Variants in RDH12 observed in about 807,000 individuals in gnomAD.
The protein encoded by RDH12 is retinol dehydrogenase 12.
In RDH12, 21 loss-of-function variants were observed where a neutral mutation model predicts 34.0. That is an observed-to-expected ratio of 0.62 (90% confidence interval 0.44 to 0.89). RDH12 has a LOEUF of 0.89. RDH12 is among the 40% of genes least tolerant of loss of function. RDH12 has a pLI of 0.00. For missense variants in RDH12, 394 were observed against 398.6 expected (o/e 0.99, Z 0.10); for synonymous variants, 198 against 169.9 (o/e 1.17, Z -1.29).
chr14:67,727,642 C>G, intron 7 of RDH12: 1 of 213,768 alleles, frequency 4.7e-6, no homozygotes, highest in South Asian at 6.7e-5. Flanking sequence ...AATATCACGC[C>G]TGGCTAATTT....
At chr14:67,710,691 A>T (rs1265164842) in intron 1 of RDH12, among the ~76,000 whole-genome samples, 1 of 151,902 alleles carries the variant, frequency 6.6e-6, no homozygotes, top group Non-Finnish European at 1.5e-5. Flanking sequence ...GCTTTGAATT[A>T]GACAAAAATT....
Position 67,734,029 on chromosome 14 carries a change from T to C in RDH12, c.*181T>C. 1.8e-6 allele frequency: 1 copy of C among 551,738 alleles called. No individual in the cohort carries two copies. The highest frequency in any genetic ancestry group is 3.4e-6 in the Non-Finnish European group (1 of 294,168). 34.2% of individuals were successfully genotyped at this position (551,738 alleles called of 1,614,324 possible). ...ACCTGACACTCTTGTGAGACTGGCTTATGGCATGAGTTGTGGACACCTATA... is the reference window on the plus strand; with the variant it reads ...ACCTGACACTCTTGTGAGACTGGCTCATGGCATGAGTTGTGGACACCTATA... On this transcript the variant is annotated 3_prime_UTR_variant, in exon 9 of 9. Coordinates refer to ENST00000551171, the MANE Select transcript of RDH12 (RefSeq NM_152443.3).
At chr14:67,725,409 G>A (rs2038173888) in intron 5 of RDH12, among the ~76,000 whole-genome samples, 155 bp downstream of exon 5, 1 of 152,216 alleles carries the variant, frequency 6.6e-6, no homozygotes, top group South Asian at 2.1e-4. Context: ...TTGGCAAGAG[G>A]ATGGTGGGTA....
intron 1 of RDH12, among the ~76,000 whole-genome samples, chr14:67,706,438 C>G (rs2037951202): frequency 6.6e-6 from 1 of 152,096 alleles, no homozygotes; most frequent in African/African-American, 2.4e-5. Context: ...GGTCAGAACA[C>G]AGTTTGGTTT....
chr14:67,729,730 T>C, intron 8 of RDH12: 1 of 519,614 alleles, frequency 1.9e-6, no homozygotes, highest in Non-Finnish European at 3.8e-6. Flanking sequence ...TTCATGAATT[T>C]TTAAATACCA....
intron 1 of RDH12, among the ~76,000 whole-genome samples, chr14:67,710,730 TTTTTTTAGAAAGAACG>T (rs2038000956): frequency 6.6e-6 from 1 of 152,032 alleles, no homozygotes; most frequent in African/African-American, 2.4e-5. Flanking sequence ...GACACACTTT[TTTTTTTAGAAAGAACG>T]TTTTCCTACA....
At chr14:67,703,831 G>A (rs748947442) in intron 1 of RDH12, among the ~76,000 whole-genome samples, 16 of 151,898 alleles carry the variant, frequency 1.1e-4, no homozygotes, top group African/African-American at 2.7e-4. Context: ...GCATACCACC[G>A]TGCCTGGCTA....
At position 67,725,171 on chromosome 14, in the gene RDH12, C is replaced by G. The variant is rs1368744761; in HGVS notation, c.260C>G (p.Thr87Arg). 3.7e-6 allele frequency: 6 copies of G among 1,614,038 alleles called. No individual in the cohort carries two copies. The highest frequency in any genetic ancestry group is 5.1e-6 in the Non-Finnish European group (6 of 1,180,026). Residue 87 changes from threonine (T) to arginine (R), a missense_variant, in exon 5 of 9, where the codon ACA (threonine) becomes AGA (arginine). By Grantham distance (71) the Thr-to-Arg change is moderately conservative. Transcript: ENST00000551171. The part of the protein sequence containing the change: ...ESAASEIRVD[T>R]KNSQVLVRKL... ...GCTGCCAGTGAAATCCGAGTGGATA[C>G]AAAGAACTCCCAGGTGCTGGTGCGG...
chr14:67,730,870 C>T (rs1312260344), intron 8 of RDH12, among the ~76,000 whole-genome samples: 1 of 152,126 alleles, frequency 6.6e-6, no homozygotes, highest in Non-Finnish European at 1.5e-5. Flanking sequence ...TCCTAAAGTG[C>T]TGGGATTACA....
intron 7 of RDH12, chr14:67,728,022 G>C (rs1162836337): frequency 1.3e-5 from 2 of 152,266 alleles, no homozygotes; most frequent in Non-Finnish European, 2.9e-5. Context: ...TGTGGATGTG[G>C]ATGTGCCCCT....
At chr14:67,728,394 C>G (rs774934304) in intron 7 of RDH12, among the ~76,000 whole-genome samples, 2 of 152,158 alleles carry the variant, frequency 1.3e-5, no homozygotes, top group Non-Finnish European at 2.9e-5. Flanking sequence ...CAGGCACTGA[C>G]AGATTAAGAA....
chr14:67,716,670 G>A (rs1374439892), intron 1 of RDH12, among the ~76,000 whole-genome samples: 1 of 152,184 alleles, frequency 6.6e-6, no homozygotes, highest in African/African-American at 2.4e-5. Flanking sequence ...TACGACTTGA[G>A]GCCAGGAATT....
chr14:67,709,891 A>G (rs1594859497), intron 1 of RDH12, among the ~76,000 whole-genome samples: 1 of 152,192 alleles, frequency 6.6e-6, no homozygotes, highest in Non-Finnish European at 1.5e-5. Context: ...CAAGCTGGAA[A>G]CTGCTTAGGG....
intron 8 of RDH12, among the ~76,000 whole-genome samples, chr14:67,732,513 T>C (rs571191441): frequency 3.1e-5 from 4 of 130,786 alleles, no homozygotes; most frequent in African/African-American, 1.1e-4. Flanking sequence ...AGAGACTATA[T>C]CTCTATTTAT....
At chr14:67,732,140 A>T (rs949374090) in intron 8 of RDH12, among the ~76,000 whole-genome samples, 3 of 139,302 alleles carry the variant, frequency 2.2e-5, no homozygotes, top group Admixed American at 7.3e-5. Context: ...AAAAAAAAAA[A>T]AAAAAAAAAT....
chr14:67,710,088 C>A (rs558486990), intron 1 of RDH12, among the ~76,000 whole-genome samples: 19 of 152,320 alleles, frequency 1.2e-4, no homozygotes, highest in Admixed American at 3.9e-4. Context: ...AGTTGTTCCA[C>A]CTTTCCAGAC....
intron 2 of RDH12, among the ~76,000 whole-genome samples, chr14:67,721,772 A>G (rs907322594): frequency 3.1e-4 from 46 of 150,196 alleles, no homozygotes; most frequent in African/African-American, 1.0e-3. Context: ...TATGTATAAC[A>G]CATATATATA....
At chr14:67,717,894 T>A (rs150455613) in intron 1 of RDH12, 1 of 152,284 alleles carries the variant, frequency 6.6e-6, no homozygotes, top group East Asian at 1.9e-4. Context: ...TGAGACCCTG[T>A]CTCTATTTTT....
chr14:67,733,472 T>C (rs957105195), intron 8 of RDH12, among the ~76,000 whole-genome samples: 15 of 152,228 alleles, frequency 9.9e-5, no homozygotes, highest in Non-Finnish European at 2.1e-4. Flanking sequence ...TATCCTAGAA[T>C]GTCACTTCTG....
Sources: gnomAD v4.1 joint callset for allele counts (sites outside exome capture counted in the v4.1 genomes callset) on GRCh38, gnomAD v4.1.1 for gene constraint, MANE v1.5 for transcripts, NCBI Gene and HGNC (gene_info 2026-07-23, HGNC 2026-07-21) for gene names.